RBM47: variants seen among roughly 807,000 people sequenced by gnomAD.
The protein encoded by RBM47 is RNA-binding protein 47.
A neutral mutation model predicts 47.1 loss-of-function variants in RBM47; 21 were observed. That is an observed-to-expected ratio of 0.45 (90% confidence interval 0.32 to 0.64). RBM47 has a LOEUF of 0.64. RBM47 is among the 30% of genes least tolerant of loss of function. The pLI is 0.05. For missense variants in RBM47, 708 were observed against 870.9 expected (o/e 0.81, Z 2.35); for synonymous variants, 375 against 361.7 (o/e 1.04, Z -0.42).
Position 40,425,721 on chromosome 4 carries a change from A to G in RBM47, c.*183T>C, listed in dbSNP as rs1714922589. On this transcript the variant is annotated 3_prime_UTR_variant, in exon 7 of 7. Transcript: ENST00000295971. ...GAAATGTATGAACGTAGGCATGCTAAGTTGAAAATAGTCTTAAAAAACTAG... is the reference window on the plus strand; with the variant it reads ...GAAATGTATGAACGTAGGCATGCTAGGTTGAAAATAGTCTTAAAAAACTAG... The G allele has an allele frequency of 1.2e-6, 1 of 845,530 alleles. No homozygotes were observed. Among genetic ancestry groups the G allele is most frequent in the South Asian group, 2.0e-5 (1 of 49,294 alleles). 52.4% of individuals were successfully genotyped at this position (845,530 alleles called of 1,614,324 possible).
At position 40,426,064 on chromosome 4, in the gene RBM47, T is replaced by G; in HGVS notation, c.1622A>C (p.Tyr541Ser). 1 of 1,614,198 alleles carries G rather than the reference T, an allele frequency of 6.2e-7. No homozygotes were observed. Among genetic ancestry groups the G allele is most frequent in the Non-Finnish European group, 8.5e-7 (1 of 1,180,034 alleles). ...IPTAGIYGASYVPFAAPATAT... is the reference protein window; with the variant it reads ...IPTAGIYGASSVPFAAPATAT... ...TGTAGCTGGAGCAGCAAATGGCACG[T>G]AACTGGCCCCGTAGATCCCGGCAGT... The change falls in exon 7 of 7, where the codon TAC becomes TCC. Residue 541 changes from tyrosine to serine, a missense_variant. Tyr to Ser is a moderately radical substitution (Grantham distance 144). Coordinates refer to ENST00000295971, the MANE Select transcript of RBM47 (RefSeq NM_001098634.2).
intron 4 of RBM47, 132 bp from the exon 5 acceptor site, chr4:40,436,779 G>C: frequency 1.2e-6 from 1 of 835,786 alleles, no homozygotes; most frequent in South Asian, 1.4e-5. Context: ...CTCTTTAATA[G>C]GCTGGTAAAG....
intron 3 of RBM47, among the ~76,000 whole-genome samples, chr4:40,454,086 C>T (rs935014533): frequency 1.1e-4 from 16 of 152,210 alleles, no homozygotes; most frequent in Admixed American, 9.8e-4. Flanking sequence ...ACATAATCCA[C>T]AGCCATTCGT....
At chr4:40,481,686 G>A (rs1487617229) in intron 2 of RBM47, among the ~76,000 whole-genome samples, 1 of 151,772 alleles carries the variant, frequency 6.6e-6, no homozygotes, top group Non-Finnish European at 1.5e-5. Flanking sequence ...AGAGTAACCG[G>A]GATTACAGGT....
At chr4:40,556,499 T>C (rs1033706465) in intron 1 of RBM47, among the ~76,000 whole-genome samples, 1 of 151,952 alleles carries the variant, frequency 6.6e-6, no homozygotes, top group African/African-American at 2.4e-5. Context: ...AAAGTGAGAC[T>C]CTGTCTCAAA....
chr4:40,540,650 AAAATAAT>A lies in RBM47; in HGVS notation c.-155+3765_-155+3771del, dbSNP rs1482782769. Among the ~76,000 whole-genome samples, 73 of 110,332 alleles carry A rather than the reference AAAATAAT, an allele frequency of 6.6e-4. 1 individual carries two copies. The highest frequency in any genetic ancestry group is 2.3e-3 in the African/African-American group (59 of 25,276). 72.4% of individuals were successfully genotyped at this position (110,332 alleles called of 152,430 possible). ...TGAAACTCTGTCTCAAAAAAAAAAAAAAATAATAATAATAATAATAATAATAATAAAT... is the reference window on the plus strand; with the variant it reads ...TGAAACTCTGTCTCAAAAAAAAAAAAAATAATAATAATAATAATAATAAAT... On this transcript the variant is annotated intron_variant, in intron 2 of 6. Coordinates refer to ENST00000295971, the MANE Select transcript of RBM47 (RefSeq NM_001098634.2).
chr4:40,568,923 G>A (rs1731376617), intron 1 of RBM47, among the ~76,000 whole-genome samples: 1 of 151,720 alleles, frequency 6.6e-6, no homozygotes, highest in African/African-American at 2.4e-5. Context: ...GGAGGTTACA[G>A]TGAGCCGAGA....
chr4:40,600,359 G>C (rs1370183365), intron 1 of RBM47, among the ~76,000 whole-genome samples: 1 of 151,908 alleles, frequency 6.6e-6, no homozygotes, highest in Non-Finnish European at 1.5e-5. Flanking sequence ...CAGAGGCCGG[G>C]CGCGGTGGCT....
intron 2 of RBM47, chr4:40,516,024 C>G (rs776215914): frequency 6.6e-6 from 1 of 152,444 alleles, no homozygotes; most frequent in African/African-American, 2.4e-5. Context: ...TCTGCCTGCC[C>G]GGGGCGTGGC....
chr4:40,523,653 GA>G (rs374751255), intron 2 of RBM47, among the ~76,000 whole-genome samples: 2,107 of 143,064 alleles, frequency 0.015, 37 homozygotes, highest in African/African-American at 0.039. Context: ...CTCCATCTAG[GA>G]AAAAAAAAAA....
chr4:40,560,965 G>GA (rs78803844), intron 1 of RBM47, among the ~76,000 whole-genome samples: 2,488 of 133,926 alleles, frequency 0.019, 24 homozygotes, highest in Non-Finnish European at 0.026. Context: ...CTCCTTCTCG[G>GA]AAAAAAAAAA....
intron 2 of RBM47, among the ~76,000 whole-genome samples, chr4:40,539,809 A>G (rs1728338066): frequency 6.9e-6 from 1 of 144,434 alleles, no homozygotes; most frequent in Non-Finnish European, 1.5e-5. Context: ...TAGGATAGGG[A>G]TTTTAGGAAA....
chr4:40,464,890 C>CAAAAA lies in RBM47; in HGVS notation c.-32+1682_-32+1686dup, dbSNP rs71646997. On this transcript the variant is annotated intron_variant, in intron 3 of 6. Transcript: ENST00000295971. Reference sequence around the variant, plus strand: ...TGGGCGACAGAGCAAGACTCTGTCTCAAAAAAAAAAAAAAAAAAAAAAAAA... The same window carrying CAAAAA: ...TGGGCGACAGAGCAAGACTCTGTCTCAAAAAAAAAAAAAAAAAAAAAAAAAAAAAA... 8.8e-3 allele frequency among the ~76,000 whole-genome samples: 281 copies of CAAAAA among 32,098 alleles called. 20 individuals are homozygous for CAAAAA. The highest frequency in any genetic ancestry group is 0.012 in the Non-Finnish European group (240 of 19,504). 21.1% of individuals were successfully genotyped at this position (32,098 alleles called of 152,430 possible).
At chr4:40,587,218 G>A (rs1733680203) in intron 1 of RBM47, among the ~76,000 whole-genome samples, 1 of 152,138 alleles carries the variant, frequency 6.6e-6, no homozygotes, top group Non-Finnish European at 1.5e-5. Flanking sequence ...GGGAAGAACA[G>A]TTTGAACAGA....
At position 40,557,028 on chromosome 4, in the gene RBM47, A is replaced by G. The variant is rs538712463; in HGVS notation, c.-239-12522T>C. Among the ~76,000 whole-genome samples, 22 of 152,248 alleles carry G rather than the reference A, an allele frequency of 1.4e-4. No individual in the cohort carries two copies. The South Asian group carries it at 3.5e-3, about 24-fold the overall frequency. On this transcript the variant is annotated intron_variant, in intron 1 of 6. Coordinates refer to ENST00000295971, the MANE Select transcript of RBM47 (RefSeq NM_001098634.2). Reference sequence around the variant, plus strand: ...GAAAGTGTACGCTCATTAAAAATTGATATTTCCCTAATGTCCAGAATGCAG... The same window carrying G: ...GAAAGTGTACGCTCATTAAAAATTGGTATTTCCCTAATGTCCAGAATGCAG...
At chr4:40,606,744 C>T (rs917692487) in intron 1 of RBM47, among the ~76,000 whole-genome samples, 2 of 152,086 alleles carry the variant, frequency 1.3e-5, no homozygotes, top group Admixed American at 6.6e-5. Context: ...TTGTAAAGGA[C>T]TTGAAATGTG....
rs1553897788 is a variant in RBM47, at chr4:40,534,935, A to AG, written c.-155+9486dup. On this transcript the variant is annotated intron_variant, in intron 2 of 6. Transcript: ENST00000295971. ...GGGCGATGGAGCAAGACTCCGTCTC[A>AG]GAAAAAAAAAAAAAAAAAAATGCAA... Among the ~76,000 whole-genome samples the AG allele has an allele frequency of 2.4e-3, 334 of 137,662 alleles. 8 individuals carry two copies. Among genetic ancestry groups the AG allele is most frequent in the South Asian group, 3.1e-3 (14 of 4,504 alleles). The allele number at this position is 137,662 out of a possible 152,430, so 90.3% of individuals were successfully genotyped here. A position where few individuals can be genotyped will look rare whatever the true frequency, so the allele number is the denominator to read the frequency against.
intron 1 of RBM47, among the ~76,000 whole-genome samples, chr4:40,554,854 A>G (rs983306861): frequency 1.4e-5 from 2 of 144,178 alleles, no homozygotes; most frequent in African/African-American, 2.6e-5. Context: ...CTCCACCTCC[A>G]GGGTTCAAGT....
chr4:40,528,741 G>GTGCA (rs1727021876), intron 2 of RBM47, among the ~76,000 whole-genome samples: 1 of 151,918 alleles, frequency 6.6e-6, no homozygotes, highest in Non-Finnish European at 1.5e-5. Context: ...CTCCAGCCTG[G>GTGCA]GTGACAGAGT....
Sources: allele counts gnomAD v4.1 joint callset (sites outside exome capture counted in the v4.1 genomes callset), GRCh38; gene constraint gnomAD v4.1.1; transcripts MANE v1.5; gene names NCBI Gene and HGNC (gene_info 2026-07-23, HGNC 2026-07-21).